The following NBR1 variants were observed in gnomAD, a reference collection of about 807,000 sequenced individuals.
NBR1 encodes the protein NBR1 autophagy cargo receptor.
Under a neutral mutation model 115.5 loss-of-function variants are expected in NBR1, and 59 were observed. The ratio of observed to expected loss-of-function variants is 0.51; its 90% confidence interval spans 0.41 to 0.63. The LOEUF is 0.63. Among genes scored for constraint, NBR1 ranks in the 30% least tolerant of loss-of-function variants. The pLI is 0.00. For synonymous variants in NBR1, 373 were observed against 414.7 expected (o/e 0.90, Z 1.22); for missense variants, 1,043 against 1,150.5 (o/e 0.91, Z 1.35).
At chr17:43,172,378 C>T (rs1318392960) in intron 1 of NBR1, among the ~76,000 whole-genome samples, 2 of 152,122 alleles carry the variant, frequency 1.3e-5, no homozygotes, top group Non-Finnish European at 2.9e-5. Flanking sequence ...TGGAGGAGCT[C>T]CAGAGTATCT....
chr17:43,171,797 A>G (rs2056378743), intron 1 of NBR1, among the ~76,000 whole-genome samples: 1 of 152,188 alleles, frequency 6.6e-6, no homozygotes, highest in African/African-American at 2.4e-5. Flanking sequence ...TCAAACACTC[A>G]GCTTTCAGGC....
At chr17:43,183,284 G>A (rs557611416) in intron 5 of NBR1, among the ~76,000 whole-genome samples, 1 of 151,100 alleles carries the variant, frequency 6.6e-6, no homozygotes, top group Non-Finnish European at 1.5e-5. Context: ...GCAGTGGCGC[G>A]ACCTTGGCTC....
chr17:43,178,901 A>G (rs903119318), intron 3 of NBR1, among the ~76,000 whole-genome samples: 12 of 151,868 alleles, frequency 7.9e-5, no homozygotes, highest in African/African-American at 2.4e-4. Context: ...TAGCTAGGAC[A>G]TACCTCTCTG....
chr17:43,196,613 A>T, intron 15 of NBR1, 22 bp downstream of exon 15: 1 of 1,486,032 alleles, frequency 6.7e-7, no homozygotes, highest in Non-Finnish European at 9.2e-7. Flanking sequence ...AACATTTGTA[A>T]AGTATTTGCA....
chr17:43,200,536 T>C lies in NBR1; in HGVS notation c.2396T>C (p.Leu799Pro), dbSNP rs2057174908. 6.2e-7 allele frequency: 1 copy of C among 1,613,976 alleles called. No homozygotes were observed. Among genetic ancestry groups the C allele is most frequent in the Non-Finnish European group, 8.5e-7 (1 of 1,179,872 alleles). Residue 799 changes from leucine to proline, a missense_variant, in exon 17 of 21, where the codon CTC (leucine) becomes CCC (proline). Transcript: ENST00000590996. ...QPQEHSISDILTTSQTLETVP... is the reference protein window; with the variant it reads ...QPQEHSISDIPTTSQTLETVP... ...CAGGAGCACAGCATAAGTGACATCCTCACGACCTCACAGACTCTGGAAACA... is the reference window on the plus strand; with the variant it reads ...CAGGAGCACAGCATAAGTGACATCCCCACGACCTCACAGACTCTGGAAACA...
intron 5 of NBR1, among the ~76,000 whole-genome samples, chr17:43,182,569 A>T (rs1350975963): frequency 6.6e-6 from 1 of 151,282 alleles, no homozygotes; most frequent in Non-Finnish European, 1.5e-5. Flanking sequence ...TTTAAGGCAG[A>T]GATGACAGCC....
chr17:43,198,217 CAGAT>C (rs1425519621), intron 16 of NBR1, among the ~76,000 whole-genome samples: 2 of 151,480 alleles, frequency 1.3e-5, no homozygotes, highest in Non-Finnish European at 2.9e-5. Context: ...TTCTAGGTAT[CAGAT>C]AGATAGAACC....
At chr17:43,194,199 C>T in intron 12 of NBR1, 151 bp from the exon 13 acceptor site, 2 of 732,758 alleles carry the variant, frequency 2.7e-6, no homozygotes, top group Admixed American at 3.2e-5. Context: ...GCTGTTTTTA[C>T]AACTTTTTCT....
In NBR1 at chr17:43,186,439, G is replaced by C; in HGVS notation, c.397G>C (p.Val133Leu). The change falls in exon 6 of 21, where the codon GTG becomes CTG. Residue 133 changes from valine to leucine, a missense_variant. Coordinates refer to ENST00000590996, the MANE Select transcript of NBR1 (RefSeq NM_005899.5). Reference protein sequence around the residue: ...SDMKTPEDPAVQSFPLVPCDT... With the variant: ...SDMKTPEDPALQSFPLVPCDT... ...CATGAAGACCCCAGAGGATCCTGCA[G>C]TGCAGGTATGAAGGGTATGGCCCAG... 1 of 1,575,420 alleles carries C rather than the reference G, an allele frequency of 6.3e-7. No individual in the cohort carries two copies. Among genetic ancestry groups the C allele is most frequent in the Non-Finnish European group, 8.6e-7 (1 of 1,164,848 alleles).
At chr17:43,175,307 G>A (rs1052205615) in intron 1 of NBR1, among the ~76,000 whole-genome samples, 2 of 152,102 alleles carry the variant, frequency 1.3e-5, no homozygotes, top group Admixed American at 6.6e-5. Context: ...TCACTCTCAA[G>A]TCATACAAGA....
At chr17:43,182,022 CT>C (rs566266858) in intron 5 of NBR1, among the ~76,000 whole-genome samples, 5 of 147,942 alleles carry the variant, frequency 3.4e-5, no homozygotes, top group South Asian at 2.1e-4. Context: ...TGATGCCCCC[CT>C]TTTTTTTTTC....
chr17:43,201,147 G>A (rs2057189263), intron 17 of NBR1, among the ~76,000 whole-genome samples: 1 of 152,192 alleles, frequency 6.6e-6, no homozygotes, highest in South Asian at 2.1e-4. Context: ...GGAATTACAG[G>A]TGTGAGCCAC....
chr17:43,179,497 T>C, intron 4 of NBR1, 85 bp downstream of exon 4: 1 of 1,281,208 alleles, frequency 7.8e-7, no homozygotes, highest in Non-Finnish European at 1.1e-6. Context: ...TCAAACCTTA[T>C]TGCAGTATTA....
At chr17:43,199,776 T>G (rs555187416) in intron 16 of NBR1, among the ~76,000 whole-genome samples, 2 of 152,320 alleles carry the variant, frequency 1.3e-5, no homozygotes, top group Admixed American at 1.3e-4. Flanking sequence ...GAGATAGACA[T>G]ATAATCCTGC....
At chr17:43,177,562 C>G (rs1597965358) in intron 2 of NBR1, among the ~76,000 whole-genome samples, 3 of 139,518 alleles carry the variant, frequency 2.2e-5, no homozygotes, top group East Asian at 4.2e-4. Context: ...CTACCCCACA[C>G]CCCACCCAAA....
chr17:43,201,530 C>T (rs2057197287), intron 17 of NBR1, among the ~76,000 whole-genome samples, 156 bp from the exon 18 acceptor site: 1 of 152,184 alleles, frequency 6.6e-6, no homozygotes, highest in Admixed American at 6.5e-5. Flanking sequence ...TAGAATGTAG[C>T]CCTTATGATG....
At chr17:43,197,135 G>C (rs1198994279) in intron 16 of NBR1, 29 bp downstream of exon 16, 2 of 1,607,014 alleles carry the variant, frequency 1.2e-6, no homozygotes, top group Non-Finnish European at 1.7e-6. Context: ...CCCCTACCTA[G>C]CAGGGTGGCA....
chr17:43,177,463 C>T (rs1471901467), intron 2 of NBR1, among the ~76,000 whole-genome samples: 2 of 151,544 alleles, frequency 1.3e-5, no homozygotes, highest in African/African-American at 4.9e-5. Flanking sequence ...CTTTGCAGAA[C>T]AATTGTAGCA....
intron 20 of NBR1, among the ~76,000 whole-genome samples, chr17:43,206,548 G>A (rs1434273843): frequency 3.3e-5 from 5 of 151,914 alleles, no homozygotes; most frequent in Non-Finnish European, 5.9e-5. Context: ...CTAGCTACTC[G>A]GGAGTCTGAG....
Sources: allele counts gnomAD v4.1 joint callset (sites outside exome capture counted in the v4.1 genomes callset), GRCh38; gene constraint gnomAD v4.1.1; transcripts MANE v1.5; gene names NCBI Gene and HGNC (gene_info 2026-07-23, HGNC 2026-07-21).